Variants in EVI5 observed in about 807,000 individuals in gnomAD.
EVI5 encodes the protein ecotropic viral integration site 5 protein homolog.
EVI5 carries 73 observed loss-of-function variants against 112.0 expected under a neutral mutation model. The ratio of observed to expected loss-of-function variants is 0.65; its 90% CI spans 0.54 to 0.79. The LOEUF (loss-of-function observed/expected upper bound fraction) is 0.79, where lower values mean the gene tolerates loss of function less well. Among genes scored for constraint, EVI5 ranks in the 30% least tolerant of loss-of-function variants. The pLI, the probability that EVI5 is intolerant of heterozygous loss-of-function variation, is 0.00. For synonymous variants in EVI5, 305 were observed against 319.9 expected (o/e 0.95, Z 0.50); for missense variants, 900 against 968.8 (o/e 0.93, Z 0.94).
intron 1 of EVI5, among the ~76,000 whole-genome samples, chr1:92,765,167 T>TA: frequency 6.6e-6 from 1 of 151,714 alleles, no homozygotes; most frequent in East Asian, 1.9e-4. Flanking sequence ...AGACATTCCT[T>TA]ATATATATCT....
chr1:92,773,433 A>C (rs930795309), intron 1 of EVI5, among the ~76,000 whole-genome samples: 3 of 152,196 alleles, frequency 2.0e-5, no homozygotes, highest in African/African-American at 7.2e-5. Flanking sequence ...AAGAAAAACT[A>C]ATCTATGGTA....
At chr1:92,700,286 C>T (rs2102518605) in intron 5 of EVI5, among the ~76,000 whole-genome samples, 1 of 152,254 alleles carries the variant, frequency 6.6e-6, no homozygotes, top group East Asian at 1.9e-4. Flanking sequence ...GAGATATATA[C>T]AAAACATACA....
chr1:92,730,683 C>CAAAA lies in EVI5; in HGVS notation c.149+5711_149+5714dup, dbSNP rs1226099468. ...GGTGACAAAGCAAGACCTTCTCTCA[C>CAAAA]AAAAAAAAAAAAAAAAAAAAGGAAC... On this transcript the variant is annotated intron_variant, in intron 2 of 19. Transcript: ENST00000684568. 9.1e-3 allele frequency among the ~76,000 whole-genome samples: 543 copies of CAAAA among 59,662 alleles called. 6 individuals carry two copies. Among genetic ancestry groups the CAAAA allele is most frequent in the African/African-American group, 0.03 (495 of 16,264 alleles). 39.1% of individuals were successfully genotyped at this position (59,662 alleles called of 152,430 possible). A position where few individuals can be genotyped will look rare whatever the true frequency, so the allele number is the denominator to read the frequency against.
intron 1 of EVI5, among the ~76,000 whole-genome samples, chr1:92,737,521 A>G (rs1037629856): frequency 3.3e-5 from 5 of 152,188 alleles, no homozygotes; most frequent in South Asian, 2.1e-4. Flanking sequence ...TCCTAAGCAG[A>G]TATGTATACA....
intron 16 of EVI5, 51 bp downstream of exon 16, chr1:92,624,125 C>T (rs900366286): frequency 6.8e-7 from 1 of 1,474,772 alleles, no homozygotes. Context: ...GTGCACAAAC[C>T]CTTGATCAGC....
At chr1:92,607,769 A>C in intron 16 of EVI5, 42 bp from the exon 17 acceptor site, 1 of 1,432,898 alleles carries the variant, frequency 7.0e-7, no homozygotes, top group Non-Finnish European at 9.4e-7. Context: ...TAGATACAAG[A>C]CCTAAAAATT....
At position 92,601,645 on chromosome 1, in the gene EVI5, T is replaced by C. The variant is rs527723314; in HGVS notation, c.2070+3662A>G. Among the ~76,000 whole-genome samples, 22 of 152,212 alleles carry C rather than the reference T, an allele frequency of 1.4e-4. 1 individual carries two copies. The South Asian group carries it at 4.4e-3, about 30-fold the overall frequency. On this transcript the variant is annotated intron_variant, in intron 18 of 19. Coordinates refer to ENST00000684568, the MANE Select transcript of EVI5 (RefSeq NM_001350197.2). ...ACACTACATGATCTCACATGTGGGATACAAAAAGTTGAACTCAAAAGTACA... is the reference window on the plus strand; with the variant it reads ...ACACTACATGATCTCACATGTGGGACACAAAAAGTTGAACTCAAAAGTACA...
At chr1:92,751,300 G>A (rs1209413964) in intron 1 of EVI5, among the ~76,000 whole-genome samples, 1 of 152,026 alleles carries the variant, frequency 6.6e-6, no homozygotes. Context: ...TACTTTCCCT[G>A]GAGTTAATAA....
At position 92,725,313 on chromosome 1, in the gene EVI5, A is replaced by T. The variant is rs143785517; in HGVS notation, c.149+11085T>A. Among the ~76,000 whole-genome samples the T allele has an allele frequency of 4.9e-3, 747 of 152,336 alleles. 23 individuals carry two copies. The highest frequency in any genetic ancestry group is 0.043 in the Admixed American group (654 of 15,302). On this transcript the variant is annotated intron_variant, in intron 2 of 19. Coordinates refer to ENST00000684568, the MANE Select transcript of EVI5 (RefSeq NM_001350197.2). ...TGGAAAAGTTACTGTTTCAAGACACATTGGGAAGAGTACACAAAAGGGTCT... is the reference window on the plus strand; with the variant it reads ...TGGAAAAGTTACTGTTTCAAGACACTTTGGGAAGAGTACACAAAAGGGTCT...
At chr1:92,553,412 C>T (rs1667253164) in intron 19 of EVI5, among the ~76,000 whole-genome samples, 1 of 149,872 alleles carries the variant, frequency 6.7e-6, no homozygotes, top group Admixed American at 6.8e-5. Flanking sequence ...AAGCGATTCT[C>T]CTGCCTCAGC....
intron 18 of EVI5, among the ~76,000 whole-genome samples, chr1:92,595,334 A>C (rs1647445580): frequency 1.3e-5 from 2 of 151,542 alleles, no homozygotes; most frequent in South Asian, 4.2e-4. Flanking sequence ...CAAACACCGC[A>C]TGTTCTCACT....
At chr1:92,728,953 T>G (rs1676041807) in intron 2 of EVI5, among the ~76,000 whole-genome samples, 1 of 152,120 alleles carries the variant, frequency 6.6e-6, no homozygotes, top group Non-Finnish European at 1.5e-5. Context: ...AGTGATTGCA[T>G]TCAACCCACC....
chr1:92,639,281 C>A (rs550176336), intron 13 of EVI5, among the ~76,000 whole-genome samples: 2 of 151,976 alleles, frequency 1.3e-5, no homozygotes, highest in Admixed American at 1.3e-4. Flanking sequence ...GTTAGAAAGT[C>A]CTCAGTAATC....
chr1:92,765,212 TTCC>T (rs1276803331), intron 1 of EVI5, among the ~76,000 whole-genome samples: 2 of 133,852 alleles, frequency 1.5e-5, no homozygotes, highest in South Asian at 2.8e-4. Context: ...TTTTTTTTCC[TTCC>T]TTTTTTTTTT....
Position 92,532,662 on chromosome 1 carries a change from G to A in EVI5, c.2167-18692C>T, listed in dbSNP as rs867457807. ...AAAACTGCACAACTACATGGAAACT[G>A]AACAACCTGCTCCTGAATGACTACT... On this transcript the variant is annotated intron_variant, in intron 19 of 19. Transcript: ENST00000684568. Among the ~76,000 whole-genome samples the A allele has an allele frequency of 4.5e-4, 68 of 152,270 alleles. 1 individual carries two copies. Among genetic ancestry groups the A allele is most frequent in the African/African-American group, 1.6e-3 (68 of 41,560 alleles).
intron 5 of EVI5, among the ~76,000 whole-genome samples, chr1:92,699,826 T>C (rs1296524122): frequency 6.6e-6 from 1 of 152,220 alleles, no homozygotes. Context: ...AGTCCACCGT[T>C]GACCAAAATG....
At chr1:92,584,660 A>G (rs1439018280) in intron 18 of EVI5, among the ~76,000 whole-genome samples, 1 of 152,214 alleles carries the variant, frequency 6.6e-6, no homozygotes, top group Non-Finnish European at 1.5e-5. Flanking sequence ...AACAAATCAT[A>G]CTCATATCAT....
At chr1:92,602,906 G>C (rs929125180) in intron 18 of EVI5, among the ~76,000 whole-genome samples, 2 of 151,890 alleles carry the variant, frequency 1.3e-5, no homozygotes, top group African/African-American at 2.4e-5. Context: ...ACAAAGAAAA[G>C]GCAACAAACA....
chr1:92,735,509 ATT>A (rs1171914093), intron 2 of EVI5, among the ~76,000 whole-genome samples: 1 of 151,062 alleles, frequency 6.6e-6, no homozygotes, highest in Non-Finnish European at 1.5e-5. Flanking sequence ...GTTAAAAGTT[ATT>A]TTTGTTATGA....
Sources: allele counts gnomAD v4.1 joint callset (sites outside exome capture counted in the v4.1 genomes callset), GRCh38; gene constraint gnomAD v4.1.1; transcripts MANE v1.5; gene names NCBI Gene and HGNC (gene_info 2026-07-23, HGNC 2026-07-21).